VAC14: variants seen among roughly 807,000 people sequenced by gnomAD.
VAC14 encodes protein VAC14 homolog.
Under a neutral mutation model 85.3 loss-of-function variants are expected in VAC14, and 47 were observed. That is an observed-to-expected ratio of 0.55 (90% confidence interval 0.44 to 0.70). The LOEUF is 0.70. VAC14 is among the 30% of genes least tolerant of loss of function. The pLI is 0.00. For synonymous variants in VAC14, 447 were observed against 430.5 expected (o/e 1.04, Z -0.47); for missense variants, 861 against 1,004.3 (o/e 0.86, Z 1.93).
intron 14 of VAC14, among the ~76,000 whole-genome samples, chr16:70,723,046 T>C (rs2054334082): frequency 6.6e-6 from 1 of 151,932 alleles, no homozygotes; most frequent in Non-Finnish European, 1.5e-5. Flanking sequence ...TGAAACCCCA[T>C]CTCTACTAAA....
At chr16:70,779,120 T>C (rs2033681514) in intron 9 of VAC14, 1 of 152,244 alleles carries the variant, frequency 6.6e-6, no homozygotes, top group Non-Finnish European at 1.5e-5. Context: ...TCCAGCTGAG[T>C]GCTGTTCTGC....
intron 13 of VAC14, among the ~76,000 whole-genome samples, chr16:70,732,465 C>A (rs1459997445): frequency 2.0e-5 from 3 of 152,248 alleles, no homozygotes; most frequent in African/African-American, 7.2e-5. Flanking sequence ...AAGTACCCAG[C>A]ACCAAGGGGA....
intron 1 of VAC14, among the ~76,000 whole-genome samples, chr16:70,795,188 C>T (rs566894741): frequency 1.2e-4 from 19 of 152,234 alleles, no homozygotes; most frequent in African/African-American, 4.3e-4. Context: ...TCCCCTGAGC[C>T]GGGCGCAGTG....
chr16:70,761,097 C>A lies in VAC14; in HGVS notation c.1371+1443G>T, dbSNP rs2032337954. The A allele has an allele frequency of 1.4e-5, 6 of 430,134 alleles. No individual in the cohort carries two copies. The Admixed American group carries it at 1.5e-4, about 11-fold the overall frequency. The allele number at this position is 430,134 out of a possible 1,614,324, so 26.6% of individuals were successfully genotyped here. On this transcript the variant is annotated intron_variant, in intron 12 of 18. Transcript: ENST00000261776. ...TCTGTTTTGGATTTTTCTGGTAATA[C>A]AGAAAACCTCAGAGGACCTAGAGGT... is the stretch of plus-strand genomic sequence containing the variant.
At chr16:70,740,357 T>C (rs996674396) in intron 13 of VAC14, among the ~76,000 whole-genome samples, 10 of 152,288 alleles carry the variant, frequency 6.6e-5, no homozygotes, top group East Asian at 1.9e-4. Flanking sequence ...AGGGTGACCT[T>C]TGGCCTCAGA....
At chr16:70,796,335 T>C (rs2034544834) in intron 1 of VAC14, among the ~76,000 whole-genome samples, 1 of 152,308 alleles carries the variant, frequency 6.6e-6, no homozygotes, top group Non-Finnish European at 1.5e-5. Context: ...AATCCCCTCT[T>C]ATTAGTGGTT....
chr16:70,710,206 T>C (rs939379978), intron 14 of VAC14, among the ~76,000 whole-genome samples: 16 of 152,336 alleles, frequency 1.1e-4, no homozygotes, highest in African/African-American at 3.6e-4. Flanking sequence ...CTGGCACTCA[T>C]GTTCCCATGA....
intron 8 of VAC14, 115 bp downstream of exon 8, chr16:70,781,754 G>C: frequency 7.1e-7 from 1 of 1,410,158 alleles, no homozygotes; most frequent in Non-Finnish European, 9.6e-7. Context: ...AGCTGCTAGG[G>C]ACTATGGAAG....
intron 13 of VAC14, among the ~76,000 whole-genome samples, chr16:70,736,152 G>A (rs1180429984): frequency 2.6e-5 from 4 of 152,220 alleles, no homozygotes; most frequent in Admixed American, 6.5e-5. Context: ...CACAGGGGCA[G>A]TAGGAAGCAC....
chr16:70,795,219 C>G (rs1420294798), intron 1 of VAC14, among the ~76,000 whole-genome samples: 1 of 152,156 alleles, frequency 6.6e-6, no homozygotes, highest in Non-Finnish European at 1.5e-5. Flanking sequence ...GTAATCCCAG[C>G]ACTTTGGGAG....
intron 1 of VAC14, among the ~76,000 whole-genome samples, chr16:70,791,242 T>C (rs1171990173): frequency 6.6e-6 from 1 of 152,174 alleles, no homozygotes; most frequent in Non-Finnish European, 1.5e-5. Context: ...TCAGCTCAAA[T>C]CCAACCCCCT....
chr16:70,728,478 C>T (rs374146688), intron 14 of VAC14, among the ~76,000 whole-genome samples: 2 of 152,196 alleles, frequency 1.3e-5, no homozygotes, highest in African/African-American at 4.8e-5. Flanking sequence ...TCCCGTGAGC[C>T]CAGGAAGCCC....
intron 18 of VAC14, chr16:70,688,771 G>A (rs1015640177): frequency 8.1e-6 from 8 of 985,458 alleles, no homozygotes; most frequent in Middle Eastern, 5.2e-4. Flanking sequence ...GGTGCAATGC[G>A]GTAGCCTTGC....
intron 14 of VAC14, chr16:70,715,622 C>T (rs2054148777): frequency 6.6e-6 from 1 of 152,276 alleles, no homozygotes; most frequent in African/African-American, 2.4e-5. Flanking sequence ...GCGCTCTTGC[C>T]CGGCCTGACA....
chr16:70,732,817 AT>A (rs750802000), intron 13 of VAC14, among the ~76,000 whole-genome samples: 53 of 146,132 alleles, frequency 3.6e-4, no homozygotes, highest in Non-Finnish European at 4.4e-4. Flanking sequence ...AATTTTTGTA[AT>A]TTTTTTTTTT....
chr16:70,791,624 G>T (rs1440346850), intron 1 of VAC14, among the ~76,000 whole-genome samples: 1 of 152,156 alleles, frequency 6.6e-6, no homozygotes, highest in African/African-American at 2.4e-5. Context: ...GGCCTCTAGT[G>T]ATCCGCCCAC....
intron 17 of VAC14, among the ~76,000 whole-genome samples, chr16:70,695,221 C>T: frequency 6.6e-6 from 1 of 151,968 alleles, no homozygotes. Context: ...AAGTGATCCT[C>T]CTACCTCAGC....
chr16:70,782,885 C>T (rs1240555172), intron 7 of VAC14, 148 bp downstream of exon 7: 1 of 747,264 alleles, frequency 1.3e-6, no homozygotes, highest in Non-Finnish European at 2.2e-6. Context: ...CCACCTCTCC[C>T]AGGGCCCACT....
At position 70,697,180 on chromosome 16, in the gene VAC14, G is replaced by A. The variant is rs2053729884; in HGVS notation, c.1914C>T (p.Leu638=). ...CATAGGCGTGCCGGTAGTTCTGGGTGAGGAAGCAGAGGGACACCGTGGTGA... is the reference window on the plus strand; with the variant it reads ...CATAGGCGTGCCGGTAGTTCTGGGTAAGGAAGCAGAGGGACACCGTGGTGA... ...NPVTTVSLCF[L]TQNYRHAYDL... is the part of the protein sequence containing the mutation. Residue 638 remains leucine (L), a synonymous_variant, in exon 16 of 19, where the codon CTC becomes CTT. Transcript: ENST00000261776. 5.6e-6 allele frequency: 9 copies of A among 1,614,042 alleles called. No homozygotes were observed. The highest frequency in any genetic ancestry group is 7.6e-6 in the Non-Finnish European group (9 of 1,179,954).
Sources: allele counts gnomAD v4.1 joint callset (sites outside exome capture counted in the v4.1 genomes callset), GRCh38; gene constraint gnomAD v4.1.1; transcripts MANE v1.5; gene names NCBI Gene and HGNC (gene_info 2026-07-23, HGNC 2026-07-21).